The following CHRM3 variants were observed in gnomAD, a reference collection of about 807,000 sequenced individuals.
The protein encoded by CHRM3 is muscarinic acetylcholine receptor M3.
Under a neutral mutation model 41.8 loss-of-function variants are expected in CHRM3, and 11 were observed. The ratio of observed to expected loss-of-function variants is 0.26; its 90% CI spans 0.17 to 0.44. The LOEUF (loss-of-function observed/expected upper bound fraction) is 0.44, where lower values mean the gene tolerates loss of function less well. CHRM3 is among the 20% of genes least tolerant of loss of function. CHRM3 has a pLI of 1.00. For synonymous variants in CHRM3, 297 were observed against 301.4 expected (o/e 0.99, Z 0.15); for missense variants, 571 against 745.4 (o/e 0.77, Z 2.72).
intron 4 of CHRM3, among the ~76,000 whole-genome samples, chr1:239,653,199 TC>T (rs1191027480): frequency 6.6e-6 from 1 of 152,054 alleles, no homozygotes; most frequent in Non-Finnish European, 1.5e-5. Flanking sequence ...GATGGAAAAT[TC>T]CTAAGAGGAG....
At chr1:239,652,857 A>G (rs1672363026) in intron 4 of CHRM3, among the ~76,000 whole-genome samples, 2 of 152,210 alleles carry the variant, frequency 1.3e-5, no homozygotes, top group Admixed American at 1.3e-4. Context: ...ATAAGACAGT[A>G]TTATGTTCAT....
chr1:239,803,391 A>G (rs1210914765), intron 5 of CHRM3, among the ~76,000 whole-genome samples: 1 of 152,238 alleles, frequency 6.6e-6, no homozygotes, highest in Non-Finnish European at 1.5e-5. Flanking sequence ...AAGGAAAAGA[A>G]TAATTACTTT....
chr1:239,476,151 G>A (rs1337992262), intron 1 of CHRM3, among the ~76,000 whole-genome samples: 1 of 151,984 alleles, frequency 6.6e-6, no homozygotes, highest in East Asian at 1.9e-4. Context: ...TGCCACATGG[G>A]CCTGCATCAT....
At chr1:239,482,136 C>T (rs896867658) in intron 1 of CHRM3, among the ~76,000 whole-genome samples, 1 of 151,820 alleles carries the variant, frequency 6.6e-6, no homozygotes, top group African/African-American at 2.4e-5. Flanking sequence ...TAGTTTTTTC[C>T]TTTCTCTCCT....
At chr1:239,463,915 C>A (rs1455048718) in intron 1 of CHRM3, among the ~76,000 whole-genome samples, 1 of 152,156 alleles carries the variant, frequency 6.6e-6, no homozygotes, top group African/African-American at 2.4e-5. Flanking sequence ...TTAGATACCT[C>A]ATATAAATAA....
chr1:239,477,018 G>A (rs1229305932), intron 1 of CHRM3, among the ~76,000 whole-genome samples: 1 of 152,188 alleles, frequency 6.6e-6, no homozygotes, highest in African/African-American at 2.4e-5. Context: ...CCAGGGAAGG[G>A]TATTCTGGGC....
Sources: gnomAD v4.1 joint callset for allele counts (sites outside exome capture counted in the v4.1 genomes callset) on GRCh38, gnomAD v4.1.1 for gene constraint, MANE v1.5 for transcripts, NCBI Gene and HGNC (gene_info 2026-07-23, HGNC 2026-07-21) for gene names.